The following LPCAT2 variants were observed in gnomAD, a reference collection of about 807,000 sequenced individuals.
LPCAT2 encodes the protein lysophosphatidylcholine acyltransferase 2.
Under a neutral mutation model 64.7 loss-of-function variants are expected in LPCAT2, and 58 were observed. The ratio of observed to expected loss-of-function variants is 0.90; its 90% confidence interval spans 0.73 to 1.12. The LOEUF is 1.12. LPCAT2 is among the 50% of genes most tolerant of loss of function. LPCAT2 has a pLI of 0.00. For synonymous variants in LPCAT2, 252 were observed against 245.3 expected (o/e 1.03, Z -0.26); for missense variants, 579 against 669.8 (o/e 0.86, Z 1.50).
rs779674267 is a variant in LPCAT2, at chr16:55,551,065, C to A, written c.1178C>A (p.Ser393Ter). The change falls in exon 11 of 14, where the codon TCA becomes TAA. Residue 393 changes from serine to a stop codon, truncating the protein, a stop_gained. Coordinates refer to ENST00000262134, the MANE Select transcript of LPCAT2 (RefSeq NM_017839.5). LOFTEE classifies it high-confidence loss of function. ...GCCAAGTATTTAAAGTTGCCTGTTT[C>A]AGATGTCTTGAGACAACTTTTTGCA... ...EFAKYLKLPV[S>*]DVLRQLFALF... 6.2e-7 allele frequency: 1 copy of A among 1,612,710 alleles called. No homozygotes were observed. The highest frequency in any genetic ancestry group is 1.7e-5 in the Admixed American group (1 of 59,928).
At chr16:55,534,066 A>G (rs1484177654) in intron 6 of LPCAT2, among the ~76,000 whole-genome samples, 1 of 152,132 alleles carries the variant, frequency 6.6e-6, no homozygotes, top group East Asian at 1.9e-4. Flanking sequence ...TTGTATGTTC[A>G]TATTATTTTA....
intron 1 of LPCAT2, among the ~76,000 whole-genome samples, chr16:55,511,049 T>A (rs986856850): frequency 6.6e-6 from 1 of 152,202 alleles, no homozygotes; most frequent in Non-Finnish European, 1.5e-5. Flanking sequence ...CATTTATTAG[T>A]TGTATGACTT....
intron 1 of LPCAT2, among the ~76,000 whole-genome samples, chr16:55,513,563 A>G (rs1424403991): frequency 2.0e-5 from 3 of 152,184 alleles, no homozygotes; most frequent in Non-Finnish European, 4.4e-5. Flanking sequence ...CTGAAAATTA[A>G]CCAAAGGCTT....
At chr16:55,561,370 C>CTTT (rs3996858) in intron 11 of LPCAT2, among the ~76,000 whole-genome samples, 2,020 of 139,754 alleles carry the variant, frequency 0.014, 57 homozygotes, top group East Asian at 0.029. Flanking sequence ...CCCTCCTATA[C>CTTT]TTTTTTTTTT....
Position 55,529,838 on chromosome 16 carries a change from T to G in LPCAT2, c.533T>G (p.Leu178Arg). 6.3e-7 allele frequency: 1 copy of G among 1,596,320 alleles called. No individual in the cohort carries two copies. The highest frequency in any genetic ancestry group is 8.5e-7 in the Non-Finnish European group (1 of 1,171,516). Reference sequence around the variant, plus strand: ...TAACTTTTCATTTGTTTTAAAGGACTGTTACGGGCTGTGCAACCAGTTTTG... The same window carrying G: ...TAACTTTTCATTTGTTTTAAAGGACGGTTACGGGCTGTGCAACCAGTTTTG... ...ENAQVPLIGR[L>R]LRAVQPVLVS... The change falls in exon 4 of 14, where the codon CTG (leucine) becomes CGG (arginine). Residue 178 changes from leucine to arginine, a missense_variant. Coordinates refer to ENST00000262134, the MANE Select transcript of LPCAT2 (RefSeq NM_017839.5).
chr16:55,519,506 C>G (rs1238084607), intron 1 of LPCAT2, among the ~76,000 whole-genome samples: 1 of 74,882 alleles, frequency 1.3e-5, no homozygotes, highest in African/African-American at 4.1e-5. Flanking sequence ...GAGACTCCAT[C>G]ACAAAAAAAA....
intron 11 of LPCAT2, among the ~76,000 whole-genome samples, chr16:55,560,262 A>G (rs1330817879): frequency 6.6e-6 from 1 of 152,150 alleles, no homozygotes; most frequent in Non-Finnish European, 1.5e-5. Flanking sequence ...ATTTCATCCA[A>G]CATGACATTC....
intron 11 of LPCAT2, among the ~76,000 whole-genome samples, chr16:55,557,261 C>T (rs1194051987): frequency 6.6e-6 from 1 of 151,976 alleles, no homozygotes; most frequent in Non-Finnish European, 1.5e-5. Context: ...CTCTCTATCT[C>T]TCTGTCTCTG....
At chr16:55,521,977 T>C (rs1963103138) in intron 1 of LPCAT2, among the ~76,000 whole-genome samples, 2 of 151,356 alleles carry the variant, frequency 1.3e-5, no homozygotes, top group African/African-American at 4.8e-5. Context: ...AACATTACGC[T>C]AGGGATCCTA....
intron 11 of LPCAT2, among the ~76,000 whole-genome samples, chr16:55,551,927 A>C (rs1963522457): frequency 6.6e-6 from 1 of 152,160 alleles, no homozygotes; most frequent in Non-Finnish European, 1.5e-5. Context: ...CAGCCTGAGC[A>C]ACAGAGCAAG....
chr16:55,562,424 C>G (rs1963646658), intron 11 of LPCAT2, among the ~76,000 whole-genome samples: 1 of 151,926 alleles, frequency 6.6e-6, no homozygotes, highest in South Asian at 2.1e-4. Context: ...TATCATAGGA[C>G]AGTGTACTAG....
intron 1 of LPCAT2, among the ~76,000 whole-genome samples, chr16:55,517,506 C>T (rs1476920870): frequency 6.6e-6 from 1 of 152,038 alleles, no homozygotes; most frequent in Non-Finnish European, 1.5e-5. Context: ...GCCAGGCCTA[C>T]TCTGATACCA....
At chr16:55,520,704 T>A (rs1414324093) in intron 1 of LPCAT2, among the ~76,000 whole-genome samples, 1 of 151,934 alleles carries the variant, frequency 6.6e-6, no homozygotes, top group Non-Finnish European at 1.5e-5. Context: ...ATAACAAATA[T>A]ATCTGATAAA....
Position 55,520,731 on chromosome 16 carries a change from A to G in LPCAT2, c.172-4777A>G, listed in dbSNP as rs1963083547. ...TCTGATAAAAATCTACATATTTAGAAATCAAGCTATATACTTTAAAATAGT... is the reference window on the plus strand; with the variant it reads ...TCTGATAAAAATCTACATATTTAGAGATCAAGCTATATACTTTAAAATAGT... On this transcript the variant is annotated intron_variant, in intron 1 of 13. Coordinates refer to ENST00000262134, the MANE Select transcript of LPCAT2 (RefSeq NM_017839.5). Among the ~76,000 whole-genome samples, 4 of 151,988 alleles carry G rather than the reference A, an allele frequency of 2.6e-5. No individual in the cohort carries two copies. The South Asian group carries it at 8.3e-4, about 31-fold the overall frequency.
intron 9 of LPCAT2, 142 bp downstream of exon 9, chr16:55,545,959 G>T: frequency 1.6e-6 from 1 of 626,200 alleles, no homozygotes; most frequent in South Asian, 2.0e-5. Context: ...AATGTGCCCA[G>T]GGATGAGGTC....
At chr16:55,562,639 T>C (rs1181647995) in intron 11 of LPCAT2, among the ~76,000 whole-genome samples, 1 of 151,966 alleles carries the variant, frequency 6.6e-6, no homozygotes, top group East Asian at 1.9e-4. Flanking sequence ...TACTTGATTT[T>C]TGAGCACAGC....
chr16:55,582,906 T>C lies in LPCAT2; in HGVS notation c.1451-8T>C, dbSNP rs1237513579. 6.3e-7 allele frequency: 1 copy of C among 1,577,538 alleles called. No homozygotes were observed. Among genetic ancestry groups the C allele is most frequent in the African/African-American group, 1.4e-5 (1 of 73,838 alleles). On this transcript the variant is annotated splice_region_variant and splice_polypyrimidine_tract_variant and intron_variant, in intron 13 of 13. Coordinates refer to ENST00000262134, the MANE Select transcript of LPCAT2 (RefSeq NM_017839.5). ...CAACTTATTGGATTTTTTTTCTTTC[T>C]CTTCTAGAGGAATTTAAAAGTTTTG... is the stretch of plus-strand genomic sequence containing the variant.
chr16:55,517,561 A>G (rs1401640997), intron 1 of LPCAT2, among the ~76,000 whole-genome samples: 1 of 152,154 alleles, frequency 6.6e-6, no homozygotes, highest in Non-Finnish European at 1.5e-5. Context: ...ACAGACCAAT[A>G]TCCATTGTGA....
At chr16:55,556,106 C>T (rs374612526) in intron 11 of LPCAT2, among the ~76,000 whole-genome samples, 1 of 152,270 alleles carries the variant, frequency 6.6e-6, no homozygotes, top group East Asian at 1.9e-4. Flanking sequence ...TGAGTTACCA[C>T]ACCAGCCACA....
Sources: gnomAD v4.1 joint callset for allele counts (sites outside exome capture counted in the v4.1 genomes callset) on GRCh38, gnomAD v4.1.1 for gene constraint, MANE v1.5 for transcripts, NCBI Gene and HGNC (gene_info 2026-07-23, HGNC 2026-07-21) for gene names.